The following MTHFS variants were observed in gnomAD, a reference collection of about 807,000 sequenced individuals.
The protein encoded by MTHFS is 5-formyltetrahydrofolate cyclo-ligase.
A neutral mutation model predicts 12.7 loss-of-function variants in MTHFS; 7 were observed. That is an observed-to-expected ratio of 0.55 (90% CI 0.31 to 1.03). The LOEUF is 1.03. Ranked by LOEUF, MTHFS falls within the 50% of genes least tolerant of loss-of-function variation. The probability of loss-of-function intolerance (pLI) is 0.05; values close to 1 mark genes in which losing one functional copy is unlikely to be tolerated. For missense variants in MTHFS, 252 were observed against 258.1 expected, an observed-to-expected ratio of 0.98 and a Z score of 0.16; for synonymous variants, 100 against 97.1, an observed-to-expected ratio of 1.03 and a Z score of -0.18.
intron 2 of MTHFS, among the ~76,000 whole-genome samples, chr15:79,856,093 G>A (rs1031122749): frequency 1.3e-5 from 2 of 152,088 alleles, no homozygotes; most frequent in African/African-American, 4.8e-5. Flanking sequence ...GGATCATCAC[G>A]TTGCTTCCCA....
At chr15:79,897,041 G>A (rs2034593930), upstream of MTHFS, 1 of 1,479,614 alleles carries the variant, frequency 6.8e-7, no homozygotes, top group South Asian at 1.3e-5. Flanking sequence ...GCGCCCTCGG[G>A]TTCGGTCTCC....
chr15:79,864,547 C>CAAAA lies in MTHFS; in HGVS notation c.380-19109_380-19106dup, dbSNP rs58698908. The stretch of plus-strand genomic sequence containing the variant: ...GCAACAAAGTGAGACTCCATCTCAA[C>CAAAA]AAAAAAAAAAAAAAAAAAAAAAAAA... On this transcript the variant is annotated intron_variant, in intron 2 of 2. Coordinates refer to ENST00000258874, the MANE Select transcript of MTHFS (RefSeq NM_006441.4). 8.4e-3 allele frequency among the ~76,000 whole-genome samples: 541 copies of CAAAA among 64,520 alleles called. 32 individuals carry two copies. Among genetic ancestry groups the CAAAA allele is most frequent in the Middle Eastern group, 0.015 (1 of 66 alleles). 42.3% of individuals were successfully genotyped at this position (64,520 alleles called of 152,430 possible).
intron 1 of MTHFS, among the ~76,000 whole-genome samples, chr15:79,893,293 C>T (rs1335268729): frequency 6.6e-6 from 1 of 151,736 alleles, no homozygotes. Context: ...ATCCCAGCTA[C>T]TTGGGAGGCT....
chr15:79,865,403 A>G (rs2033991854), intron 2 of MTHFS, among the ~76,000 whole-genome samples: 1 of 152,244 alleles, frequency 6.6e-6, no homozygotes, highest in African/African-American at 2.4e-5. Flanking sequence ...TATTTCTGCA[A>G]GATATAATTT....
At position 79,865,392 on chromosome 15, in the gene MTHFS, G is replaced by T. The variant is rs188093035; in HGVS notation, c.380-19950C>A. On this transcript the variant is annotated intron_variant, in intron 2 of 2. Transcript: ENST00000258874. ...CCATATCTAAGTCGGAAACTTCGAGGTATTTCTGCAAGATATAATTTAGGA... is the reference window on the plus strand; with the variant it reads ...CCATATCTAAGTCGGAAACTTCGAGTTATTTCTGCAAGATATAATTTAGGA... Among the ~76,000 whole-genome samples the T allele has an allele frequency of 6.6e-5, 10 of 152,302 alleles. No homozygotes were observed. The East Asian group carries it at 1.9e-3, about 29-fold the overall frequency.
intron 1 of MTHFS, among the ~76,000 whole-genome samples, chr15:79,892,746 G>A (rs895536993): frequency 2.0e-5 from 3 of 151,650 alleles, no homozygotes; most frequent in African/African-American, 7.3e-5. Flanking sequence ...AGGTCAAGAG[G>A]TCGAGACCAT....
intron 2 of MTHFS, among the ~76,000 whole-genome samples, chr15:79,864,558 A>C (rs1409713027): frequency 4.2e-5 from 3 of 71,496 alleles, no homozygotes; most frequent in Non-Finnish European, 9.8e-5. Context: ...AAAAAAAAAA[A>C]AAAAAAAAAA....
upstream of MTHFS, chr15:79,897,256 C>T: frequency 2.2e-6 from 1 of 456,808 alleles, no homozygotes; most frequent in Non-Finnish European, 3.8e-6. Flanking sequence ...GCCGTCGCTG[C>T]CCTGCCGCCT....
At chr15:79,893,495 G>A (rs1422767850) in intron 1 of MTHFS, among the ~76,000 whole-genome samples, 2 of 151,638 alleles carry the variant, frequency 1.3e-5, no homozygotes. Flanking sequence ...TCAGGAGATC[G>A]AGACCATCCT....
chr15:79,845,743 T>G (rs957440170), intron 2 of MTHFS, among the ~76,000 whole-genome samples: 2 of 152,166 alleles, frequency 1.3e-5, no homozygotes, highest in African/African-American at 4.8e-5. Context: ...TAGGGCCCTC[T>G]TTTTTCTAGC....
intron 1 of MTHFS, among the ~76,000 whole-genome samples, chr15:79,893,383 C>T (rs1316090804): frequency 6.7e-6 from 1 of 149,996 alleles, no homozygotes; most frequent in Admixed American, 6.7e-5. Context: ...GCCTGGGCAA[C>T]AAAGCGATAC....
At chr15:79,846,286 T>G (rs2033614059) in intron 2 of MTHFS, among the ~76,000 whole-genome samples, 1 of 152,302 alleles carries the variant, frequency 6.6e-6, no homozygotes, top group South Asian at 2.1e-4. Flanking sequence ...AGTGTCAGCA[T>G]AAGAGCCACA....
chr15:79,866,796 C>A (rs1189413002), intron 2 of MTHFS, among the ~76,000 whole-genome samples: 3 of 152,048 alleles, frequency 2.0e-5, no homozygotes, highest in Non-Finnish European at 4.4e-5. Flanking sequence ...ACCAAAAACA[C>A]AAAAAAGTTA....
At chr15:79,886,569 A>G (rs2141374504) in intron 2 of MTHFS, among the ~76,000 whole-genome samples, 1 of 152,346 alleles carries the variant, frequency 6.6e-6, no homozygotes, top group South Asian at 2.1e-4. Flanking sequence ...AAAAATGAGC[A>G]ACCAGTTGTG....
intron 1 of MTHFS, among the ~76,000 whole-genome samples, chr15:79,895,358 C>G (rs2034550124): frequency 6.6e-6 from 1 of 152,190 alleles, no homozygotes; most frequent in Non-Finnish European, 1.5e-5. Context: ...TTCCCCTCCC[C>G]AAGGCTATGT....
chr15:79,891,549 G>T (rs1269601009), intron 1 of MTHFS, among the ~76,000 whole-genome samples: 1 of 152,020 alleles, frequency 6.6e-6, no homozygotes, highest in East Asian at 1.9e-4. Context: ...CAACTTAGGA[G>T]AAAGCCGTGG....
At chr15:79,897,013 CCGCCCTCGG>C (rs1046691475) in exon 1 of MTHFS, 30 of 1,502,456 alleles carry the variant, frequency 2.0e-5, no homozygotes, top group African/African-American at 4.3e-5. Context: ...GAGTCCAGTC[CCGCCCTCGG>C]CGCCCTGGGC....
At chr15:79,847,286 T>C (rs2033635627) in intron 2 of MTHFS, among the ~76,000 whole-genome samples, 2 of 151,558 alleles carry the variant, frequency 1.3e-5, no homozygotes, top group African/African-American at 4.9e-5. Context: ...AAGACATGAG[T>C]GTAGAGTTCA....
intron 2 of MTHFS, among the ~76,000 whole-genome samples, chr15:79,853,591 G>T (rs551314596): frequency 3.9e-5 from 6 of 152,318 alleles, no homozygotes; most frequent in African/African-American, 1.4e-4. Flanking sequence ...GACTCTGAAA[G>T]TTATTTCTTG....
Sources: gnomAD v4.1 joint callset for allele counts (sites outside exome capture counted in the v4.1 genomes callset) on GRCh38, gnomAD v4.1.1 for gene constraint, MANE v1.5 for transcripts, NCBI Gene and HGNC (gene_info 2026-07-23, HGNC 2026-07-21) for gene names.